The following SIK2 variants were observed in gnomAD, a reference collection of about 807,000 sequenced individuals.
SIK2 encodes serine/threonine-protein kinase SIK2.
A neutral mutation model predicts 103.2 loss-of-function variants in SIK2; 29 were observed. That is an observed-to-expected ratio of 0.28 (90% CI 0.21 to 0.38). The LOEUF is 0.38. SIK2 is among the 10% of genes least tolerant of loss of function. The pLI, the probability that SIK2 is intolerant of heterozygous loss-of-function variation, is 1.00. For missense variants in SIK2, 879 were observed against 1,171.0 expected (o/e 0.75, Z 3.64); for synonymous variants, 412 against 446.1 (o/e 0.92, Z 0.96).
intron 8 of SIK2, among the ~76,000 whole-genome samples, chr11:111,711,720 C>T (rs1467804551): frequency 1.3e-5 from 2 of 152,198 alleles, no homozygotes; most frequent in Non-Finnish European, 2.9e-5. Flanking sequence ...ACCATCTCAC[C>T]TACACCAAAA....
At chr11:111,605,327 G>C (rs891308716) in intron 1 of SIK2, among the ~76,000 whole-genome samples, 30 of 152,286 alleles carry the variant, frequency 2.0e-4, no homozygotes, top group African/African-American at 7.2e-4. Context: ...TTTTACAGCA[G>C]TTATTTATCC....
chr11:111,672,126 G>A lies in SIK2; in HGVS notation c.317-15875G>A, dbSNP rs541105262. 24 of 451,062 alleles carry A rather than the reference G, an allele frequency of 5.3e-5. No homozygotes were observed. In the East Asian group the frequency reaches 9.9e-4, roughly 19 times the overall value. 27.9% of individuals were successfully genotyped at this position (451,062 alleles called of 1,614,324 possible). ...TCTGCTCCTTCTCCTGGTTACACAC[G>A]GCCTGGATGTTGGGGTCCACTTCCA... On this transcript the variant is annotated intron_variant, in intron 3 of 14. Coordinates refer to ENST00000304987, the MANE Select transcript of SIK2 (RefSeq NM_015191.3).
In SIK2 at chr11:111,653,366, C is replaced by T. The variant is rs371059893; in HGVS notation, c.316+32964C>T. ...CGGAACCATAGATTGAGAAAAACAA[C>T]GTTGTATCCTTTCTCCTAAGCTCAG... On this transcript the variant is annotated intron_variant, in intron 3 of 14. Coordinates refer to ENST00000304987, the MANE Select transcript of SIK2 (RefSeq NM_015191.3). Among the ~76,000 whole-genome samples, 38 of 152,322 alleles carry T rather than the reference C, an allele frequency of 2.5e-4. No individual in the cohort carries two copies. In the South Asian group the frequency reaches 4.6e-3, roughly 18 times the overall value.
At chr11:111,720,839 G>C (rs1265385114) in intron 11 of SIK2, 60 bp from the exon 12 acceptor site, 4 of 1,590,290 alleles carry the variant, frequency 2.5e-6, no homozygotes, top group Non-Finnish European at 1.7e-6. Context: ...GTGGTCACCT[G>C]TGGTCACTGA....
chr11:111,605,490 A>G (rs913644582), intron 1 of SIK2, among the ~76,000 whole-genome samples: 6 of 152,222 alleles, frequency 3.9e-5, no homozygotes, highest in African/African-American at 7.2e-5. Context: ...TGAATATGGT[A>G]TAAAAATAAT....
chr11:111,666,500 T>A (rs1942544330), intron 3 of SIK2, among the ~76,000 whole-genome samples: 1 of 152,244 alleles, frequency 6.6e-6, no homozygotes, highest in African/African-American at 2.4e-5. Flanking sequence ...AGGCTGTTGC[T>A]AGCCATAACA....
At chr11:111,714,937 G>A (rs1032528832) in intron 9 of SIK2, among the ~76,000 whole-genome samples, 1 of 152,192 alleles carries the variant, frequency 6.6e-6, no homozygotes, top group African/African-American at 2.4e-5. Flanking sequence ...TCCCTCAAAA[G>A]AATTAAAATG....
chr11:111,658,084 TTTTTA>T (rs1214949015), intron 3 of SIK2, among the ~76,000 whole-genome samples: 3 of 145,808 alleles, frequency 2.1e-5, no homozygotes, highest in Middle Eastern at 6.5e-3. Flanking sequence ...TATTTTTTCA[TTTTTA>T]TTTTATTTAT....
In SIK2 at chr11:111,726,134, A is replaced by G. The variant is rs1943958017; in HGVS notation, c.*2005A>G. ...ATAAAATGGGGCTTGATTTGTTTAG[A>G]CTGAAGGAAGACGTTTTCCCAAAAT... is the stretch of plus-strand genomic sequence containing the variant. On this transcript the variant is annotated 3_prime_UTR_variant, in exon 15 of 15. Transcript: ENST00000304987. 6.6e-6 allele frequency: 1 copy of G among 152,202 alleles called. No homozygotes were observed. The highest frequency in any genetic ancestry group is 1.5e-5 in the Non-Finnish European group (1 of 68,034). 9.4% of individuals were successfully genotyped at this position (152,202 alleles called of 1,614,324 possible). A position where few individuals can be genotyped will look rare whatever the true frequency, so the allele number is the denominator to read the frequency against.
chr11:111,725,101 A>G lies in SIK2; in HGVS notation c.*972A>G, dbSNP rs1057302951. ...GCTTTGTATATTTGGACAGTTTCAT[A>G]TAGGGCTTAGAGATTTTAAGGACAT... On this transcript the variant is annotated 3_prime_UTR_variant, in exon 15 of 15. Coordinates refer to ENST00000304987, the MANE Select transcript of SIK2 (RefSeq NM_015191.3). 1 of 152,664 alleles carries G rather than the reference A, an allele frequency of 6.6e-6. No homozygotes were observed. The highest frequency in any genetic ancestry group is 2.4e-5 in the African/African-American group (1 of 41,454). 9.5% of individuals were successfully genotyped at this position (152,664 alleles called of 1,614,324 possible).
intron 3 of SIK2, among the ~76,000 whole-genome samples, chr11:111,676,274 C>A (rs1485173741): frequency 6.6e-6 from 1 of 152,178 alleles, no homozygotes; most frequent in Non-Finnish European, 1.5e-5. Context: ...TGGGCATATA[C>A]CCAGTCATGG....
At chr11:111,634,642 TC>T (rs1312258398) in intron 3 of SIK2, among the ~76,000 whole-genome samples, 1 of 152,210 alleles carries the variant, frequency 6.6e-6, no homozygotes, top group Non-Finnish European at 1.5e-5. Flanking sequence ...CATATTACTA[TC>T]AAATTGATCT....
At chr11:111,699,066 G>A (rs557251929) in intron 4 of SIK2, among the ~76,000 whole-genome samples, 148 of 152,124 alleles carry the variant, frequency 9.7e-4, no homozygotes, top group Non-Finnish European at 1.9e-3. Flanking sequence ...TGATGTTCTA[G>A]GAGTGGTTAG....
At chr11:111,644,956 C>T (rs752148175) in intron 3 of SIK2, among the ~76,000 whole-genome samples, 1 of 151,904 alleles carries the variant, frequency 6.6e-6, no homozygotes, top group Non-Finnish European at 1.5e-5. Flanking sequence ...CAGAGCCTGT[C>T]GAGTGTCAAG....
chr11:111,623,869 T>C (rs2135843218), intron 3 of SIK2, among the ~76,000 whole-genome samples: 1 of 152,320 alleles, frequency 6.6e-6, no homozygotes, highest in Non-Finnish European at 1.5e-5. Flanking sequence ...CTCAGCATTG[T>C]CTACTCAACT....
At chr11:111,637,927 G>A (rs187633476) in intron 3 of SIK2, among the ~76,000 whole-genome samples, 12 of 151,892 alleles carry the variant, frequency 7.9e-5, no homozygotes, top group African/African-American at 1.7e-4. Context: ...TATATATTAC[G>A]TGTTAGAGTT....
At chr11:111,668,824 A>G (rs142222502) in intron 3 of SIK2, among the ~76,000 whole-genome samples, 1 of 152,368 alleles carries the variant, frequency 6.6e-6, no homozygotes, top group Non-Finnish European at 1.5e-5. Flanking sequence ...GACTTGCACT[A>G]GAGGAGGATT....
At chr11:111,636,731 C>A (rs1034937891) in intron 3 of SIK2, among the ~76,000 whole-genome samples, 1 of 152,110 alleles carries the variant, frequency 6.6e-6, no homozygotes, top group African/African-American at 2.4e-5. Context: ...TGTTTCTCTA[C>A]CATAATACAG....
intron 3 of SIK2, among the ~76,000 whole-genome samples, chr11:111,682,180 A>G (rs1942786091): frequency 1.3e-5 from 2 of 152,186 alleles, no homozygotes; most frequent in African/African-American, 4.8e-5. Context: ...CCTGTGATGT[A>G]TTATTGCCAC....
Sources: gnomAD v4.1 joint callset for allele counts (sites outside exome capture counted in the v4.1 genomes callset) on GRCh38, gnomAD v4.1.1 for gene constraint, MANE v1.5 for transcripts, NCBI Gene and HGNC (gene_info 2026-07-23, HGNC 2026-07-21) for gene names.